The following DLGAP2 variants were observed in gnomAD, a reference collection of about 807,000 sequenced individuals.
DLGAP2 encodes the protein DLG associated protein 2.
DLGAP2 carries 26 observed loss-of-function variants against 100.3 expected under a neutral mutation model. The ratio of observed to expected loss-of-function variants is 0.26; its 90% CI spans 0.19 to 0.36. DLGAP2 has a LOEUF of 0.36. DLGAP2 is among the 10% of genes least tolerant of loss of function. DLGAP2 has a pLI of 1.00. For synonymous variants in DLGAP2, 886 were observed against 630.1 expected (o/e 1.41, Z -6.08); for missense variants, 1,858 against 1,453.2 (o/e 1.28, Z -4.53).
chr8:1,513,669 G>A (rs559789578), intron 4 of DLGAP2, among the ~76,000 whole-genome samples: 2 of 152,306 alleles, frequency 1.3e-5, no homozygotes, highest in African/African-American at 4.8e-5. Flanking sequence ...GGGAACTGCA[G>A]CTTTTCTCAG....
intron 1 of DLGAP2, among the ~76,000 whole-genome samples, chr8:899,635 C>G (rs556433165): frequency 8.5e-5 from 13 of 152,210 alleles, no homozygotes; most frequent in Non-Finnish European, 1.8e-4. Context: ...TAAGTCCTGG[C>G]ATCACAAACA....
intron 1 of DLGAP2, among the ~76,000 whole-genome samples, chr8:804,979 C>T (rs1004146482): frequency 3.3e-5 from 5 of 152,044 alleles, no homozygotes; most frequent in African/African-American, 1.2e-4. Context: ...CTATGTTGTC[C>T]AGGCTGGTCT....
At chr8:840,276 A>G (rs1190143127) in intron 1 of DLGAP2, among the ~76,000 whole-genome samples, 1 of 13,882 alleles carries the variant, frequency 7.2e-5, no homozygotes, top group African/African-American at 4.3e-4. Flanking sequence ...ACGTCTCCCC[A>G]CACTCTGGAT....
chr8:1,510,805 C>G (rs1233332889), intron 4 of DLGAP2, among the ~76,000 whole-genome samples: 1 of 152,122 alleles, frequency 6.6e-6, no homozygotes, highest in Non-Finnish European at 1.5e-5. Flanking sequence ...ATGTCCAAGT[C>G]CAGGAGGTCC....
At chr8:1,053,134 C>T (rs1173174631) in intron 2 of DLGAP2, among the ~76,000 whole-genome samples, 5 of 152,102 alleles carry the variant, frequency 3.3e-5, no homozygotes, top group Admixed American at 6.6e-5. Context: ...AGGTGCTGTA[C>T]GTTTTGCTTT....
At chr8:929,892 A>G (rs1381801721) in intron 2 of DLGAP2, among the ~76,000 whole-genome samples, 1 of 151,782 alleles carries the variant, frequency 6.6e-6, no homozygotes, top group Non-Finnish European at 1.5e-5. Flanking sequence ...ATTGAAATGT[A>G]TTGGGCACTA....
intron 2 of DLGAP2, among the ~76,000 whole-genome samples, chr8:1,234,316 C>G (rs1798598306): frequency 1.3e-5 from 2 of 152,160 alleles, no homozygotes; most frequent in Non-Finnish European, 2.9e-5. Flanking sequence ...CTGCAGGCTG[C>G]TTTCTTCTGA....
chr8:1,192,317 T>G (rs1797656963), intron 2 of DLGAP2, among the ~76,000 whole-genome samples: 1 of 152,164 alleles, frequency 6.6e-6, no homozygotes, highest in African/African-American at 2.4e-5. Flanking sequence ...AAGTATATAT[T>G]TATGGTGTAG....
At chr8:1,677,337 C>G (rs544950117) in intron 11 of DLGAP2, among the ~76,000 whole-genome samples, 6 of 152,282 alleles carry the variant, frequency 3.9e-5, no homozygotes, top group African/African-American at 1.2e-4. Context: ...ATCTTCTGCA[C>G]CTGGGAGCCG....
At position 1,130,038 on chromosome 8, in the gene DLGAP2, C is replaced by G. The variant is rs375863835; in HGVS notation, c.74-128813C>G. On this transcript the variant is annotated intron_variant, in intron 2 of 14. Transcript: ENST00000637795. ...CGTGTAGCTCACGTCGGGCACTTCACACAAGTTAAGGGATCATGTCGGGCA... is the reference window on the plus strand; with the variant it reads ...CGTGTAGCTCACGTCGGGCACTTCAGACAAGTTAAGGGATCATGTCGGGCA... Among the ~76,000 whole-genome samples the G allele has an allele frequency of 2.4e-3, 367 of 152,294 alleles. 1 individual carries two copies. The highest frequency in any genetic ancestry group is 7.6e-3 in the African/African-American group (317 of 41,550).
At chr8:1,548,457 A>AG (rs1223207438) in intron 4 of DLGAP2, among the ~76,000 whole-genome samples, 169 bp from the exon 5 acceptor site, 23 of 120,732 alleles carry the variant, frequency 1.9e-4, no homozygotes, top group African/African-American at 8.2e-4. Flanking sequence ...AGACTGTCTC[A>AG]GAAAAAAAAA....
intron 2 of DLGAP2, among the ~76,000 whole-genome samples, chr8:1,093,041 T>TGCAGCTGAGGCTG (rs59591461): frequency 6.6e-6 from 1 of 152,056 alleles, no homozygotes; most frequent in South Asian, 2.1e-4. Context: ...GAGCCAGTGC[T>TGCAGCTGAGGCTG]GCAGCTGAGG....
intron 2 of DLGAP2, among the ~76,000 whole-genome samples, chr8:1,174,808 A>G (rs564044767): frequency 6.6e-5 from 10 of 152,292 alleles, no homozygotes; most frequent in African/African-American, 2.4e-4. Context: ...TACCTCCATC[A>G]TTACCATCAT....
intron 2 of DLGAP2, among the ~76,000 whole-genome samples, chr8:979,723 C>G (rs1303802713): frequency 6.6e-6 from 1 of 152,190 alleles, no homozygotes; most frequent in Non-Finnish European, 1.5e-5. Flanking sequence ...CCATTGTTTT[C>G]AGGCACATGT....
intron 3 of DLGAP2, among the ~76,000 whole-genome samples, chr8:1,358,359 A>G (rs535234421): frequency 6.6e-6 from 1 of 152,254 alleles, no homozygotes; most frequent in African/African-American, 2.4e-5. Flanking sequence ...AAAAGGCAGG[A>G]TGGACAACTC....
intron 3 of DLGAP2, among the ~76,000 whole-genome samples, chr8:1,318,778 G>GCCCCCCCCCC (rs34614425): frequency 5.7e-5 from 6 of 105,572 alleles, no homozygotes; most frequent in African/African-American, 2.1e-4. Context: ...TCAGTGATCA[G>GCCCCCCCCCC]CCCCCCCCCC....
chr8:1,507,316 G>A (rs1171686685), intron 4 of DLGAP2, among the ~76,000 whole-genome samples: 1 of 151,670 alleles, frequency 6.6e-6, no homozygotes, highest in Non-Finnish European at 1.5e-5. Flanking sequence ...AGGCAGCTGA[G>A]GCCCGGGGAG....
intron 2 of DLGAP2, among the ~76,000 whole-genome samples, chr8:1,129,417 A>T (rs1406787005): frequency 6.6e-6 from 1 of 151,944 alleles, no homozygotes; most frequent in East Asian, 1.9e-4. Context: ...AAAAAAAAAA[A>T]ATTTACTTAA....
At chr8:1,330,371 C>G (rs1801123796) in intron 3 of DLGAP2, among the ~76,000 whole-genome samples, 2 of 136,688 alleles carry the variant, frequency 1.5e-5, no homozygotes, top group Admixed American at 1.5e-4. Flanking sequence ...GGACTGAGTT[C>G]TGGGTGGGAG....
Sources: allele counts gnomAD v4.1 joint callset (sites outside exome capture counted in the v4.1 genomes callset), GRCh38; gene constraint gnomAD v4.1.1; transcripts MANE v1.5; gene names NCBI Gene and HGNC (gene_info 2026-07-23, HGNC 2026-07-21).